Variants in EYA1 observed in about 807,000 individuals in gnomAD.
EYA1 encodes the protein EYA transcriptional coactivator and phosphatase 1, also known as protein phosphatase EYA1.
Under a neutral mutation model 82.0 loss-of-function variants are expected in EYA1, and 16 were observed. The ratio of observed to expected loss-of-function variants is 0.20; its 90% CI spans 0.13 to 0.30. The LOEUF (loss-of-function observed/expected upper bound fraction) is 0.30, where lower values mean the gene tolerates loss of function less well. Among genes scored for constraint, EYA1 ranks in the 10% least tolerant of loss-of-function variants. The probability of loss-of-function intolerance (pLI) is 1.00; values close to 1 mark genes in which losing one functional copy is unlikely to be tolerated. For synonymous variants in EYA1, 261 were observed against 264.4 expected, an observed-to-expected ratio of 0.99 and a Z score of 0.12; for missense variants, 633 against 730.7, an observed-to-expected ratio of 0.87 and a Z score of 1.54.
intron 4 of EYA1, among the ~76,000 whole-genome samples, chr8:71,328,877 CT>C (rs770792895): frequency 4.6e-5 from 7 of 152,164 alleles, no homozygotes; most frequent in African/African-American, 7.2e-5. Context: ...ATCCTGGCCC[CT>C]TTTCCCCACT....
chr8:71,408,355 C>T (rs572736764), intron 2 of EYA1, among the ~76,000 whole-genome samples: 4 of 149,764 alleles, frequency 2.7e-5, no homozygotes, highest in Admixed American at 2.0e-4. Context: ...ATGACAGGAT[C>T]AAATTCACAC....
At chr8:71,355,552 C>A (rs997723278) in intron 2 of EYA1, among the ~76,000 whole-genome samples, 3 of 152,126 alleles carry the variant, frequency 2.0e-5, no homozygotes, top group Non-Finnish European at 4.4e-5. Context: ...ATTATGATGT[C>A]GGCTCACTTG....
At chr8:71,425,195 A>T (rs185579550) in intron 2 of EYA1, among the ~76,000 whole-genome samples, 98 of 151,630 alleles carry the variant, frequency 6.5e-4, no homozygotes, top group African/African-American at 2.3e-3. Flanking sequence ...AGGCAGGAGA[A>T]TGGTGTGAAC....
intron 4 of EYA1, among the ~76,000 whole-genome samples, chr8:71,328,533 C>G (rs1823429318): frequency 6.6e-6 from 1 of 152,172 alleles, no homozygotes; most frequent in Non-Finnish European, 1.5e-5. Context: ...CTCCAAGGCC[C>G]TCGCTTCTCC....
At chr8:71,220,402 C>T (rs1809746983) in intron 12 of EYA1, among the ~76,000 whole-genome samples, 1 of 152,112 alleles carries the variant, frequency 6.6e-6, no homozygotes, top group South Asian at 2.1e-4. Context: ...GTCTGAGATG[C>T]CCAGGGGATC....
intron 2 of EYA1, among the ~76,000 whole-genome samples, chr8:71,517,236 C>G (rs1813036874): frequency 6.6e-6 from 1 of 151,940 alleles, no homozygotes. Flanking sequence ...AACCCATATC[C>G]AAATTTTCAA....
intron 3 of EYA1, among the ~76,000 whole-genome samples, chr8:71,346,447 T>TATATAG (rs1246989612): frequency 7.4e-6 from 1 of 135,342 alleles, no homozygotes; most frequent in Non-Finnish European, 1.5e-5. Flanking sequence ...TATATATATA[T>TATATAG]ATATATATCT....
intron 2 of EYA1, among the ~76,000 whole-genome samples, chr8:71,499,932 T>A (rs1811694307): frequency 6.6e-6 from 1 of 152,202 alleles, no homozygotes; most frequent in Non-Finnish European, 1.5e-5. Flanking sequence ...CAGGGAAATT[T>A]AAGGAACAGG....
intron 12 of EYA1, among the ~76,000 whole-genome samples, chr8:71,229,125 C>T (rs992358117): frequency 6.6e-6 from 1 of 152,098 alleles, no homozygotes; most frequent in African/African-American, 2.4e-5. Flanking sequence ...CTAACCTTAC[C>T]AATGTGCCCA....
chr8:71,542,412 C>T (rs1249539197), intron 1 of EYA1, among the ~76,000 whole-genome samples: 1 of 152,214 alleles, frequency 6.6e-6, no homozygotes, highest in Middle Eastern at 3.2e-3. Context: ...TTCTTGGCTG[C>T]ATAGTATTCC....
At chr8:71,436,273 G>A (rs1806001712) in intron 2 of EYA1, among the ~76,000 whole-genome samples, 1 of 152,060 alleles carries the variant, frequency 6.6e-6, no homozygotes, top group Non-Finnish European at 1.5e-5. Flanking sequence ...TTCCATTTAT[G>A]TGTATTTACA....
intron 9 of EYA1, among the ~76,000 whole-genome samples, chr8:71,293,192 A>G (rs1409763119): frequency 1.3e-5 from 2 of 152,162 alleles, no homozygotes; most frequent in Non-Finnish European, 2.9e-5. Flanking sequence ...AAGTTAGATG[A>G]AATGGACCAA....
At chr8:71,224,716 T>C (rs915899498) in intron 12 of EYA1, among the ~76,000 whole-genome samples, 2 of 152,244 alleles carry the variant, frequency 1.3e-5, no homozygotes, top group African/African-American at 4.8e-5. Context: ...TGTCTGTGGA[T>C]CTATCCAGAC....
intron 2 of EYA1, among the ~76,000 whole-genome samples, chr8:71,486,397 C>T (rs550485197): frequency 6.6e-6 from 1 of 152,308 alleles, no homozygotes; most frequent in East Asian, 1.9e-4. Context: ...TCCCCTCATG[C>T]TCCTACAACA....
intron 2 of EYA1, among the ~76,000 whole-genome samples, chr8:71,524,748 T>A (rs1348262906): frequency 1.3e-5 from 2 of 152,196 alleles, no homozygotes; most frequent in Non-Finnish European, 2.9e-5. Context: ...CCCATTGCAA[T>A]ATTTGTATGG....
intron 2 of EYA1, among the ~76,000 whole-genome samples, chr8:71,492,944 GTGT>G (rs1811130277): frequency 6.6e-6 from 1 of 152,148 alleles, no homozygotes; most frequent in Non-Finnish European, 1.5e-5. Flanking sequence ...GCCCCAGTGT[GTGT>G]TGTTCCTCTT....
At chr8:71,372,652 G>A (rs1000437549) in intron 2 of EYA1, among the ~76,000 whole-genome samples, 62 of 152,112 alleles carry the variant, frequency 4.1e-4, no homozygotes, top group Admixed American at 1.0e-3. Flanking sequence ...ATGAAGATGA[G>A]GGAATTGATA....
At chr8:71,333,230 CCTGG>C (rs1234028519) in intron 4 of EYA1, among the ~76,000 whole-genome samples, 1 of 152,090 alleles carries the variant, frequency 6.6e-6, no homozygotes, top group Non-Finnish European at 1.5e-5. Flanking sequence ...ATCACTTTCA[CCTGG>C]TATCATTAGT....
intron 2 of EYA1, among the ~76,000 whole-genome samples, chr8:71,438,043 C>T (rs969803765): frequency 6.6e-6 from 1 of 152,034 alleles, no homozygotes; most frequent in Non-Finnish European, 1.5e-5. Flanking sequence ...ATGAAGAGTT[C>T]CAGAAACCAC....
Sources: gnomAD v4.1 joint callset for allele counts (sites outside exome capture counted in the v4.1 genomes callset) on GRCh38, gnomAD v4.1.1 for gene constraint, MANE v1.5 for transcripts, NCBI Gene and HGNC (gene_info 2026-07-23, HGNC 2026-07-21) for gene names.